Variants in CDKAL1 observed in about 807,000 individuals in gnomAD.
The protein encoded by CDKAL1 is CDKAL1 threonylcarbamoyladenosine tRNA methylthiotransferase.
A neutral mutation model predicts 68.2 loss-of-function variants in CDKAL1; 32 were observed. That is an observed-to-expected ratio of 0.47 (90% CI 0.35 to 0.63). CDKAL1 has a LOEUF of 0.63. Ranked by LOEUF, CDKAL1 falls within the 30% of genes least tolerant of loss-of-function variation. The pLI is 0.00. For synonymous variants in CDKAL1, 234 were observed against 244.3 expected, an observed-to-expected ratio of 0.96 and a Z score of 0.39; for missense variants, 606 against 696.7, an observed-to-expected ratio of 0.87 and a Z score of 1.47.
intron 4 of CDKAL1, among the ~76,000 whole-genome samples, chr6:20,624,894 A>G (rs980283021): frequency 6.6e-6 from 1 of 152,108 alleles, no homozygotes. Flanking sequence ...TCCTCTTGGT[A>G]ATAATGCAGC....
chr6:21,015,851 G>T (rs1305066334), intron 11 of CDKAL1, among the ~76,000 whole-genome samples: 3 of 151,834 alleles, frequency 2.0e-5, no homozygotes, highest in Non-Finnish European at 2.9e-5. Context: ...AGGAGGCTGA[G>T]GCATGAGAAT....
intron 13 of CDKAL1, among the ~76,000 whole-genome samples, chr6:21,137,399 T>C (rs1373795339): frequency 6.6e-6 from 1 of 152,182 alleles, no homozygotes; most frequent in African/African-American, 2.4e-5. Flanking sequence ...TGCAGATTTA[T>C]CATAAAAAGG....
At chr6:20,986,993 G>A (rs1033074455) in intron 10 of CDKAL1, among the ~76,000 whole-genome samples, 1 of 152,144 alleles carries the variant, frequency 6.6e-6, no homozygotes, top group Non-Finnish European at 1.5e-5. Context: ...TGTAAAATAG[G>A]AAGTATTTTG....
intron 13 of CDKAL1, among the ~76,000 whole-genome samples, chr6:21,152,943 A>G (rs1272082718): frequency 6.6e-6 from 1 of 152,114 alleles, no homozygotes; most frequent in East Asian, 1.9e-4. Context: ...AGTACCAGCA[A>G]TTTTTGAAAC....
At chr6:21,015,527 T>G (rs1000478047) in intron 11 of CDKAL1, among the ~76,000 whole-genome samples, 9 of 152,244 alleles carry the variant, frequency 5.9e-5, no homozygotes, top group African/African-American at 1.2e-4. Flanking sequence ...TTTTGAGTTT[T>G]TTTCTTGAAA....
chr6:20,906,734 A>C (rs1762246443), intron 9 of CDKAL1, among the ~76,000 whole-genome samples: 1 of 152,210 alleles, frequency 6.6e-6, no homozygotes, highest in African/African-American at 2.4e-5. Context: ...CACAAAAAAA[A>C]CATCTAAACA....
chr6:20,939,614 C>T (rs561742293), intron 9 of CDKAL1, among the ~76,000 whole-genome samples: 11 of 152,240 alleles, frequency 7.2e-5, no homozygotes, highest in Admixed American at 2.6e-4. Flanking sequence ...AGTGCAATTA[C>T]TATAAGTACT....
At chr6:21,110,533 T>C (rs533547795) in intron 13 of CDKAL1, among the ~76,000 whole-genome samples, 1 of 152,350 alleles carries the variant, frequency 6.6e-6, no homozygotes, top group East Asian at 1.9e-4. Flanking sequence ...GTGTAAAGTG[T>C]TTTACAAGGT....
intron 4 of CDKAL1, among the ~76,000 whole-genome samples, chr6:20,573,124 G>A (rs181564393): frequency 2.2e-4 from 33 of 152,186 alleles, no homozygotes; most frequent in African/African-American, 2.9e-4. Flanking sequence ...ACCATGTTGC[G>A]CAACTCATTG....
intron 4 of CDKAL1, among the ~76,000 whole-genome samples, chr6:20,580,532 A>G (rs1435858623): frequency 2.6e-5 from 4 of 152,220 alleles, no homozygotes; most frequent in African/African-American, 9.6e-5. Context: ...CTCTAGACTC[A>G]GGGCTTCAGA....
chr6:20,984,810 A>AG (rs1581964887), intron 10 of CDKAL1, among the ~76,000 whole-genome samples: 1 of 17,990 alleles, frequency 5.6e-5, no homozygotes, highest in Non-Finnish European at 1.4e-4. Flanking sequence ...GGGCACAGTA[A>AG]CGGGGGGGGG....
chr6:21,141,147 C>G (rs1177952223), intron 13 of CDKAL1, among the ~76,000 whole-genome samples: 3 of 152,166 alleles, frequency 2.0e-5, no homozygotes, highest in African/African-American at 7.2e-5. Flanking sequence ...CCTTATATTT[C>G]ACCACTCCCC....
intron 8 of CDKAL1, among the ~76,000 whole-genome samples, chr6:20,805,228 A>T (rs1263684487): frequency 2.0e-5 from 3 of 152,102 alleles, no homozygotes; most frequent in Admixed American, 1.3e-4. Flanking sequence ...TCTGTTACTA[A>T]TTGCTGTACT....
At chr6:20,843,367 A>G (rs1424117801) in intron 8 of CDKAL1, among the ~76,000 whole-genome samples, 1 of 151,986 alleles carries the variant, frequency 6.6e-6, no homozygotes, top group Admixed American at 6.6e-5. Flanking sequence ...GTTACTTTTC[A>G]TAAACAGCCC....
chr6:20,632,300 AT>A (rs1767707184), intron 4 of CDKAL1, among the ~76,000 whole-genome samples: 1 of 152,230 alleles, frequency 6.6e-6, no homozygotes, highest in Admixed American at 6.5e-5. Flanking sequence ...GCAGTGGTTC[AT>A]TGCCCAGCAT....
chr6:20,919,655 GT>G (rs1397050169), intron 9 of CDKAL1, among the ~76,000 whole-genome samples: 1 of 152,110 alleles, frequency 6.6e-6, no homozygotes, highest in Non-Finnish European at 1.5e-5. Context: ...AACTCATTTT[GT>G]TTCTTATGTG....
chr6:20,736,753 CA>C (rs1334017494), intron 5 of CDKAL1, among the ~76,000 whole-genome samples: 1 of 150,300 alleles, frequency 6.7e-6, no homozygotes, highest in East Asian at 1.9e-4. Flanking sequence ...GCCTGGGCCA[CA>C]GAGCGAGACT....
chr6:21,007,027 A>G (rs1400358376), intron 11 of CDKAL1, among the ~76,000 whole-genome samples: 1 of 152,180 alleles, frequency 6.6e-6, no homozygotes. Flanking sequence ...GAGTGCTTTC[A>G]TATTCCACAG....
chr6:20,972,961 A>G (rs1044257664), intron 10 of CDKAL1, among the ~76,000 whole-genome samples: 1 of 152,072 alleles, frequency 6.6e-6, no homozygotes, highest in Non-Finnish European at 1.5e-5. Context: ...ATGCTATATA[A>G]ATTGAAGACT....
Sources: allele counts gnomAD v4.1 joint callset (sites outside exome capture counted in the v4.1 genomes callset), GRCh38; gene constraint gnomAD v4.1.1; transcripts MANE v1.5; gene names NCBI Gene and HGNC (gene_info 2026-07-23, HGNC 2026-07-21).